Variants in DOCK4 observed in about 807,000 individuals in gnomAD.
DOCK4 encodes the protein dedicator of cytokinesis protein 4.
Under a neutral mutation model 268.1 loss-of-function variants are expected in DOCK4, and 97 were observed. The ratio of observed to expected loss-of-function variants is 0.36; its 90% CI spans 0.31 to 0.43. The LOEUF (loss-of-function observed/expected upper bound fraction) is 0.43, where lower values mean the gene tolerates loss of function less well. DOCK4 is among the 20% of genes least tolerant of loss of function. DOCK4 has a pLI of 1.00. For missense variants in DOCK4, 2,145 were observed against 2,455.7 expected (o/e 0.87, Z 2.67); for synonymous variants, 954 against 887.2 (o/e 1.08, Z -1.34).
chr7:112,024,241 C>A (rs536616285), intron 1 of DOCK4, among the ~76,000 whole-genome samples: 4 of 152,222 alleles, frequency 2.6e-5, no homozygotes, highest in African/African-American at 9.7e-5. Flanking sequence ...CTGTCTCAGC[C>A]TCCTGGCTTT....
intron 1 of DOCK4, among the ~76,000 whole-genome samples, chr7:112,166,399 A>G (rs1817616912): frequency 6.6e-6 from 1 of 150,830 alleles, no homozygotes; most frequent in African/African-American, 2.5e-5. Context: ...CCACGAGCAT[A>G]TCCACCGCCT....
intron 1 of DOCK4, among the ~76,000 whole-genome samples, chr7:112,188,001 A>C (rs998015420): frequency 2.6e-5 from 4 of 152,218 alleles, no homozygotes; most frequent in Non-Finnish European, 5.9e-5. Flanking sequence ...AATTTATTTA[A>C]ATAACTTAAT....
At chr7:111,998,362 C>G in intron 4 of DOCK4, 86 bp downstream of exon 4, 1 of 1,079,688 alleles carries the variant, frequency 9.3e-7, no homozygotes, top group Non-Finnish European at 1.3e-6. Flanking sequence ...GTTCATTTTT[C>G]AAGACAATTA....
At chr7:111,778,704 G>A (rs1020308620) in intron 35 of DOCK4, among the ~76,000 whole-genome samples, 4 of 152,008 alleles carry the variant, frequency 2.6e-5, no homozygotes, top group African/African-American at 7.3e-5. Flanking sequence ...TAACTTGGCC[G>A]ATTGATACTC....
intron 23 of DOCK4, among the ~76,000 whole-genome samples, chr7:111,850,571 A>C (rs2134112854): frequency 6.6e-6 from 1 of 152,272 alleles, no homozygotes; most frequent in African/African-American, 2.4e-5. Context: ...AAGCAACTGA[A>C]GAACCACAAA....
intron 42 of DOCK4, among the ~76,000 whole-genome samples, chr7:111,753,706 C>G (rs1458419970): frequency 2.6e-5 from 4 of 152,190 alleles, no homozygotes; most frequent in Non-Finnish European, 5.9e-5. Context: ...CTACCTGTCC[C>G]TGTTCTTGAA....
At chr7:112,069,732 A>G (rs1302813650) in intron 1 of DOCK4, among the ~76,000 whole-genome samples, 1 of 152,176 alleles carries the variant, frequency 6.6e-6, no homozygotes, top group Non-Finnish European at 1.5e-5. Context: ...AGAGTACCCA[A>G]CTCAGCGGTA....
intron 1 of DOCK4, among the ~76,000 whole-genome samples, chr7:112,121,050 A>C (rs1313647864): frequency 6.6e-6 from 1 of 152,212 alleles, no homozygotes; most frequent in East Asian, 1.9e-4. Context: ...GGAGACATTT[A>C]TTAACTAGCA....
chr7:111,945,977 T>G (rs1795588887), intron 8 of DOCK4, among the ~76,000 whole-genome samples, 179 bp from the exon 9 acceptor site: 1 of 152,214 alleles, frequency 6.6e-6, no homozygotes, highest in Non-Finnish European at 1.5e-5. Flanking sequence ...TCACTTCTGT[T>G]AAAACTGGCA....
intron 1 of DOCK4, among the ~76,000 whole-genome samples, chr7:112,033,391 C>CA (rs1185435977): frequency 6.6e-6 from 1 of 152,120 alleles, no homozygotes; most frequent in African/African-American, 2.4e-5. Context: ...TAAAACCAAG[C>CA]AAAAATCCCT....
At chr7:112,032,778 G>A (rs1803392712) in intron 1 of DOCK4, among the ~76,000 whole-genome samples, 1 of 151,986 alleles carries the variant, frequency 6.6e-6, no homozygotes, top group African/African-American at 2.4e-5. Flanking sequence ...GGAAAGAGGT[G>A]AAAATAAATG....
At chr7:111,905,199 GA>G (rs1158822580) in intron 13 of DOCK4, among the ~76,000 whole-genome samples, 1 of 152,198 alleles carries the variant, frequency 6.6e-6, no homozygotes, top group Non-Finnish European at 1.5e-5. Flanking sequence ...GAAAACTCAT[GA>G]GTCCAAATGG....
At chr7:112,067,141 T>C (rs1807149568) in intron 1 of DOCK4, among the ~76,000 whole-genome samples, 1 of 150,106 alleles carries the variant, frequency 6.7e-6, no homozygotes, top group Non-Finnish European at 1.5e-5. Flanking sequence ...ATCGTGCCAC[T>C]GCACTCCAGA....
intron 23 of DOCK4, among the ~76,000 whole-genome samples, chr7:111,855,949 C>T (rs1804972573): frequency 6.6e-6 from 1 of 152,108 alleles, no homozygotes; most frequent in East Asian, 1.9e-4. Context: ...TCAAATAGAG[C>T]CTGGCATTTC....
intron 1 of DOCK4, among the ~76,000 whole-genome samples, chr7:112,030,737 G>A (rs1240687699): frequency 6.6e-6 from 1 of 152,202 alleles, no homozygotes; most frequent in Non-Finnish European, 1.5e-5. Context: ...TCTTCACAGA[G>A]GGATGGAGAG....
At chr7:112,074,469 G>T (rs1308824690) in intron 1 of DOCK4, among the ~76,000 whole-genome samples, 1 of 152,164 alleles carries the variant, frequency 6.6e-6, no homozygotes, top group Non-Finnish European at 1.5e-5. Flanking sequence ...CCTCCTCTGT[G>T]ATGCTGGGCT....
At chr7:111,914,242 A>G (rs931176201) in intron 13 of DOCK4, among the ~76,000 whole-genome samples, 4 of 152,114 alleles carry the variant, frequency 2.6e-5, no homozygotes, top group Non-Finnish European at 2.9e-5. Flanking sequence ...ACCTTGCTCA[A>G]CACCATGATC....
intron 23 of DOCK4, among the ~76,000 whole-genome samples, chr7:111,854,450 G>A (rs181799100): frequency 2.0e-5 from 3 of 152,316 alleles, no homozygotes; most frequent in African/African-American, 7.2e-5. Context: ...TGCTCACTCG[G>A]GGAGCTCAGT....
chr7:111,854,589 C>G (rs972554958), intron 23 of DOCK4, among the ~76,000 whole-genome samples: 2 of 152,160 alleles, frequency 1.3e-5, no homozygotes, highest in African/African-American at 4.8e-5. Context: ...ACCATGTTGG[C>G]CAGGCTAGTC....
Sources: allele counts gnomAD v4.1 joint callset (sites outside exome capture counted in the v4.1 genomes callset), GRCh38; gene constraint gnomAD v4.1.1; transcripts MANE v1.5; gene names NCBI Gene and HGNC (gene_info 2026-07-23, HGNC 2026-07-21).